The following LRP1B variants were observed in gnomAD, a reference collection of about 807,000 sequenced individuals.
The protein encoded by LRP1B is LDL receptor related protein 1B, also known as low-density lipoprotein receptor-related protein 1B.
Under a neutral mutation model 556.6 loss-of-function variants are expected in LRP1B, and 217 were observed. The observed-to-expected ratio is 0.39, with a 90% CI of 0.35 to 0.44. The LOEUF (loss-of-function observed/expected upper bound fraction) is 0.44, where lower values mean the gene tolerates loss of function less well. Ranked by LOEUF, LRP1B falls within the 20% of genes least tolerant of loss-of-function variation. The probability of loss-of-function intolerance (pLI) is 1.00; values close to 1 mark genes in which losing one functional copy is unlikely to be tolerated. For synonymous variants in LRP1B, 2,047 were observed against 1,865.8 expected, an observed-to-expected ratio of 1.10 and a Z score of -2.50; for missense variants, 5,053 against 5,620.8, an observed-to-expected ratio of 0.90 and a Z score of 3.23.
chr2:140,720,029 A>T (rs146609241), intron 35 of LRP1B, among the ~76,000 whole-genome samples: 230 of 152,218 alleles, frequency 1.5e-3, no homozygotes, highest in African/African-American at 5.3e-3. Flanking sequence ...AAGGAGGATA[A>T]CATTTTACAA....
chr2:141,036,884 G>A (rs1162491633), intron 11 of LRP1B, among the ~76,000 whole-genome samples: 1 of 151,934 alleles, frequency 6.6e-6, no homozygotes, highest in East Asian at 1.9e-4. Flanking sequence ...TGCTGCCCTG[G>A]GGATGGGGCA....
At position 141,797,167 on chromosome 2, in the gene LRP1B, A is replaced by ATC. The variant is rs1172287460; in HGVS notation, c.205+13111_205+13112insGA. On this transcript the variant is annotated intron_variant, in intron 2 of 90. Coordinates refer to ENST00000389484, the MANE Select transcript of LRP1B (RefSeq NM_018557.3). ...TAATCATATATATATATATATATAT[A>ATC]TATATATATATATATATATAACTAT... is the stretch of plus-strand genomic sequence containing the variant. Among the ~76,000 whole-genome samples, 25 of 87,690 alleles carry ATC rather than the reference A, an allele frequency of 2.9e-4. 1 individual carries two copies. Among genetic ancestry groups the ATC allele is most frequent in the African/African-American group, 8.6e-4 (25 of 29,012 alleles). 57.5% of individuals were successfully genotyped at this position (87,690 alleles called of 152,430 possible).
intron 25 of LRP1B, among the ~76,000 whole-genome samples, chr2:140,883,575 C>T (rs1553552127): frequency 6.7e-6 from 1 of 149,174 alleles, no homozygotes; most frequent in Non-Finnish European, 1.5e-5. Flanking sequence ...AAAAAAAAGA[C>T]ATTTTGAGCC....
At chr2:141,016,072 A>T (rs2105390276) in intron 12 of LRP1B, among the ~76,000 whole-genome samples, 157 bp from the exon 13 acceptor site, 2 of 152,216 alleles carry the variant, frequency 1.3e-5, no homozygotes, top group South Asian at 4.1e-4. Flanking sequence ...GGAGCTGTGA[A>T]GTTTTAAAGA....
intron 1 of LRP1B, among the ~76,000 whole-genome samples, chr2:141,984,744 T>A (rs1345585567): frequency 2.6e-5 from 4 of 152,172 alleles, no homozygotes; most frequent in Non-Finnish European, 1.5e-5. Context: ...TATTTTCTTA[T>A]AATCCACTCT....
At chr2:141,670,413 G>A (rs1255181759) in intron 2 of LRP1B, among the ~76,000 whole-genome samples, 2 of 152,052 alleles carry the variant, frequency 1.3e-5, no homozygotes, top group Non-Finnish European at 2.9e-5. Context: ...TTATAATTAG[G>A]AAGAAAATTA....
At chr2:141,518,579 G>A (rs1176766299) in intron 2 of LRP1B, among the ~76,000 whole-genome samples, 1 of 152,118 alleles carries the variant, frequency 6.6e-6, no homozygotes, top group African/African-American at 2.4e-5. Context: ...TTTTTAAAGT[G>A]TTTGGATTTT....
In LRP1B at chr2:141,463,613, A is replaced by G. The variant is rs532007170; in HGVS notation, c.343+16783T>C. Among the ~76,000 whole-genome samples, 164 of 98,978 alleles carry G rather than the reference A, an allele frequency of 1.7e-3. 10 individuals are homozygous for G. In the South Asian group the frequency reaches 0.046, roughly 27 times the overall value. The allele number at this position is 98,978 out of a possible 152,430, so 64.9% of individuals were successfully genotyped here. A position where few individuals can be genotyped will look rare whatever the true frequency, so the allele number is the denominator to read the frequency against. On this transcript the variant is annotated intron_variant, in intron 3 of 90. Coordinates refer to ENST00000389484, the MANE Select transcript of LRP1B (RefSeq NM_018557.3). ...ATAATATATATTATATATTATATAT[A>G]ATTATGTATTATATATTATTATATA...
At chr2:140,550,261 C>T (rs1486630479) in intron 43 of LRP1B, among the ~76,000 whole-genome samples, 4 of 152,222 alleles carry the variant, frequency 2.6e-5, no homozygotes, top group African/African-American at 9.6e-5. Flanking sequence ...AAGCGCTTCA[C>T]TTCATTACCC....
chr2:140,401,637 T>C (rs187186089), intron 66 of LRP1B, among the ~76,000 whole-genome samples: 1 of 152,276 alleles, frequency 6.6e-6, no homozygotes, highest in Non-Finnish European at 1.5e-5. Flanking sequence ...TGGTCCTGCC[T>C]ATCACCTGAG....
intron 10 of LRP1B, among the ~76,000 whole-genome samples, chr2:141,053,293 T>C (rs948516372): frequency 4.6e-5 from 7 of 151,964 alleles, no homozygotes; most frequent in African/African-American, 1.7e-4. Flanking sequence ...CTTCTGCTGG[T>C]ATCAATCTAA....
chr2:140,754,863 C>T (rs1245724167), intron 35 of LRP1B, among the ~76,000 whole-genome samples: 2 of 150,382 alleles, frequency 1.3e-5, no homozygotes, highest in Non-Finnish European at 1.5e-5. Context: ...ACAGAAAATA[C>T]TAACAAAATC....
intron 84 of LRP1B, among the ~76,000 whole-genome samples, chr2:140,293,179 G>T (rs1334652781): frequency 6.6e-6 from 1 of 152,130 alleles, no homozygotes; most frequent in Non-Finnish European, 1.5e-5. Flanking sequence ...CTATTCCTTA[G>T]ACACAGATCC....
chr2:140,682,989 G>C (rs2105381495), intron 41 of LRP1B, among the ~76,000 whole-genome samples: 1 of 152,260 alleles, frequency 6.6e-6, no homozygotes, highest in South Asian at 2.1e-4. Context: ...CCCTTCATTA[G>C]AGTACGTGTA....
rs572543068 is a variant in LRP1B at position 140,531,209 on chromosome 2, A to T, written c.7762+2812T>A. Among the ~76,000 whole-genome samples the T allele has an allele frequency of 1.6e-4, 24 of 152,208 alleles. 1 individual carries two copies. The South Asian group carries it at 3.7e-3, about 24-fold the overall frequency. ...AATCTATTTTCTGTATTTATTGCTC[A>T]GTTCCTGCACATTCTTTCTTGATAG... On this transcript the variant is annotated intron_variant, in intron 47 of 90. Coordinates refer to ENST00000389484, the MANE Select transcript of LRP1B (RefSeq NM_018557.3).
chr2:140,346,403 A>T (rs975507366), intron 77 of LRP1B, among the ~76,000 whole-genome samples: 2 of 151,860 alleles, frequency 1.3e-5, no homozygotes, highest in African/African-American at 4.8e-5. Context: ...ACTAGATCAT[A>T]ACTGTTAACA....
chr2:141,540,573 T>C (rs1160863413), intron 2 of LRP1B, among the ~76,000 whole-genome samples: 1 of 151,272 alleles, frequency 6.6e-6, no homozygotes, highest in Non-Finnish European at 1.5e-5. Context: ...TGAGATGCTC[T>C]TGACTTTTTT....
At chr2:141,471,288 T>TTTTTTTTTAC (rs1682463427) in intron 3 of LRP1B, among the ~76,000 whole-genome samples, 1 of 100,700 alleles carries the variant, frequency 9.9e-6, no homozygotes, top group African/African-American at 2.8e-5. Context: ...TTTTTTTTTT[T>TTTTTTTTTAC]TTTTTTACTC....
At chr2:141,412,720 G>T (rs1559056090) in intron 3 of LRP1B, among the ~76,000 whole-genome samples, 3 of 151,782 alleles carry the variant, frequency 2.0e-5, no homozygotes, top group East Asian at 1.9e-4. Context: ...TTTTATGGGG[G>T]AAAACAAAAA....
Sources: allele counts gnomAD v4.1 joint callset (sites outside exome capture counted in the v4.1 genomes callset), GRCh38; gene constraint gnomAD v4.1.1; transcripts MANE v1.5; gene names NCBI Gene and HGNC (gene_info 2026-07-23, HGNC 2026-07-21).